The following ERBB4 variants were observed in gnomAD, a reference collection of about 807,000 sequenced individuals.
ERBB4 encodes receptor tyrosine-protein kinase erbB-4.
ERBB4 carries 42 observed loss-of-function variants against 158.0 expected under a neutral mutation model. That is an observed-to-expected ratio of 0.27 (90% CI 0.21 to 0.34). The LOEUF (loss-of-function observed/expected upper bound fraction) is 0.34, where lower values mean the gene tolerates loss of function less well. Ranked by LOEUF, ERBB4 falls within the 10% of genes least tolerant of loss-of-function variation. The pLI is 1.00. For missense variants in ERBB4, 1,333 were observed against 1,624.1 expected (o/e 0.82, Z 3.08); for synonymous variants, 583 against 558.7 (o/e 1.04, Z -0.61).
chr2:211,408,359 C>T (rs1471256960), intron 25 of ERBB4, among the ~76,000 whole-genome samples: 1 of 152,162 alleles, frequency 6.6e-6, no homozygotes, highest in Non-Finnish European at 1.5e-5. Context: ...ATCTAAGGAT[C>T]CTCTCTAGTT....
At chr2:212,402,964 C>G (rs1034794302) in intron 1 of ERBB4, among the ~76,000 whole-genome samples, 1 of 152,084 alleles carries the variant, frequency 6.6e-6, no homozygotes, top group African/African-American at 2.4e-5. Context: ...AAATAAATGT[C>G]AGGGTTGGAA....
chr2:212,348,135 A>G (rs2089094861), intron 1 of ERBB4, among the ~76,000 whole-genome samples: 1 of 152,128 alleles, frequency 6.6e-6, no homozygotes, highest in Non-Finnish European at 1.5e-5. Context: ...ATGTCACAGG[A>G]AAAGGAAGAT....
At chr2:211,823,170 T>G (rs2077030419) in intron 3 of ERBB4, among the ~76,000 whole-genome samples, 1 of 152,036 alleles carries the variant, frequency 6.6e-6, no homozygotes, top group African/African-American at 2.4e-5. Flanking sequence ...TAAGAATACA[T>G]AATTGTTGTT....
chr2:211,513,366 A>AC (rs1182698417), intron 20 of ERBB4, among the ~76,000 whole-genome samples: 2 of 133,866 alleles, frequency 1.5e-5, no homozygotes, highest in East Asian at 2.0e-4. Flanking sequence ...TCAAAAAAAA[A>AC]AAAAAAAAAA....
chr2:212,496,542 A>G (rs1690583278), intron 1 of ERBB4, among the ~76,000 whole-genome samples: 2 of 152,332 alleles, frequency 1.3e-5, no homozygotes, highest in Admixed American at 1.3e-4. Context: ...AGAGTTCACA[A>G]TAGTTATTTT....
rs780096414 is a variant in ERBB4, at chr2:211,857,915, A to T, written c.422-69756T>A. ...CACGGGTAAGGATCTCACAACAATA[A>T]ATCCTCTGTCATCTGTATGAGGAAA... On this transcript the variant is annotated intron_variant, in intron 3 of 27. Coordinates refer to ENST00000342788, the MANE Select transcript of ERBB4 (RefSeq NM_005235.3). Among the ~76,000 whole-genome samples the T allele has an allele frequency of 3.3e-4, 50 of 152,196 alleles. 1 individual carries two copies. The highest frequency in any genetic ancestry group is 3.2e-3 in the Middle Eastern group (1 of 316).
chr2:211,534,025 A>G (rs543983189), intron 20 of ERBB4, among the ~76,000 whole-genome samples: 4 of 152,250 alleles, frequency 2.6e-5, no homozygotes, highest in African/African-American at 7.2e-5. Context: ...AACTAATTAT[A>G]TATCATTGCT....
chr2:211,456,485 C>T (rs1047975142), intron 20 of ERBB4, among the ~76,000 whole-genome samples: 2 of 152,088 alleles, frequency 1.3e-5, no homozygotes, highest in African/African-American at 4.8e-5. Flanking sequence ...AATCCAAATA[C>T]CCACTCATTT....
chr2:212,473,239 G>A (rs982633341), intron 1 of ERBB4, among the ~76,000 whole-genome samples: 3 of 151,830 alleles, frequency 2.0e-5, no homozygotes, highest in Admixed American at 1.3e-4. Flanking sequence ...TGACAGGCTC[G>A]GGGGTGTGAA....
intron 15 of ERBB4, among the ~76,000 whole-genome samples, chr2:211,659,708 CTG>C (rs1371532305): frequency 6.6e-5 from 10 of 151,994 alleles, no homozygotes; most frequent in African/African-American, 2.4e-4. Flanking sequence ...AAAAAAAGCA[CTG>C]TGTTACATGT....
chr2:211,746,779 G>A (rs564788143), intron 5 of ERBB4, among the ~76,000 whole-genome samples: 75 of 148,096 alleles, frequency 5.1e-4, no homozygotes, highest in African/African-American at 1.8e-3. Context: ...GCACGGAGCC[G>A]AGATCGCACC....
intron 1 of ERBB4, among the ~76,000 whole-genome samples, chr2:212,264,641 TA>T (rs2085063929): frequency 1.3e-5 from 2 of 152,132 alleles, no homozygotes; most frequent in South Asian, 4.1e-4. Flanking sequence ...TTATTTCAAT[TA>T]AAATGATTTT....
intron 16 of ERBB4, among the ~76,000 whole-genome samples, chr2:211,635,824 A>T (rs1209423811): frequency 6.6e-6 from 1 of 152,086 alleles, no homozygotes; most frequent in Non-Finnish European, 1.5e-5. Flanking sequence ...TTCGTCACCA[A>T]ATAAAAGGTT....
chr2:212,176,797 G>A (rs765487984), intron 1 of ERBB4, among the ~76,000 whole-genome samples: 1 of 151,752 alleles, frequency 6.6e-6, no homozygotes, highest in African/African-American at 2.4e-5. Flanking sequence ...ATCCATCTAC[G>A]TGTATGTATA....
intron 2 of ERBB4, among the ~76,000 whole-genome samples, chr2:211,974,914 T>C (rs2081560743): frequency 6.6e-6 from 1 of 152,188 alleles, no homozygotes; most frequent in Admixed American, 6.5e-5. Context: ...AAGAAACTAA[T>C]ATAACCAGAT....
chr2:211,964,295 C>T (rs1271403423), intron 2 of ERBB4, among the ~76,000 whole-genome samples: 1 of 152,158 alleles, frequency 6.6e-6, no homozygotes, highest in Admixed American at 6.6e-5. Flanking sequence ...ATCATCACAG[C>T]ACTGGTATTT....
intron 2 of ERBB4, among the ~76,000 whole-genome samples, chr2:212,115,231 T>C (rs1263135568): frequency 6.6e-6 from 1 of 152,122 alleles, no homozygotes; most frequent in African/African-American, 2.4e-5. Context: ...TCACATTTTA[T>C]TTTTACACTT....
intron 2 of ERBB4, among the ~76,000 whole-genome samples, chr2:211,974,939 A>T (rs79398414): frequency 0.045 from 6,828 of 152,250 alleles, 184 homozygotes; most frequent in Non-Finnish European, 0.065. Context: ...TTTTTAAAAA[A>T]TATTCTTCAT....
intron 2 of ERBB4, among the ~76,000 whole-genome samples, chr2:212,088,567 G>T (rs940544925): frequency 6.6e-5 from 10 of 152,056 alleles, no homozygotes; most frequent in Admixed American, 2.6e-4. Flanking sequence ...CACCCTGGTT[G>T]GTAGTCCCTG....
Sources: allele counts gnomAD v4.1 joint callset (sites outside exome capture counted in the v4.1 genomes callset), GRCh38; gene constraint gnomAD v4.1.1; transcripts MANE v1.5; gene names NCBI Gene and HGNC (gene_info 2026-07-23, HGNC 2026-07-21).